Variants in OPCML observed in about 807,000 individuals in gnomAD.
The protein encoded by OPCML is opioid binding protein/cell adhesion molecule like, also known as opioid-binding protein/cell adhesion molecule.
In OPCML, 13 loss-of-function variants were observed where a neutral mutation model predicts 37.8. The ratio of observed to expected loss-of-function variants is 0.34; its 90% CI spans 0.22 to 0.55. OPCML has a LOEUF of 0.55. Among genes scored for constraint, OPCML ranks in the 20% least tolerant of loss-of-function variants. The pLI is 0.91. For synonymous variants in OPCML, 176 were observed against 168.8 expected, an observed-to-expected ratio of 1.04 and a Z score of -0.33; for missense variants, 341 against 435.6, an observed-to-expected ratio of 0.78 and a Z score of 1.93.
chr11:133,105,649 G>A (rs1361299858), intron 1 of OPCML, among the ~76,000 whole-genome samples: 1 of 152,200 alleles, frequency 6.6e-6, no homozygotes, highest in Non-Finnish European at 1.5e-5. Flanking sequence ...AAAGGATTTA[G>A]AGGTTTTTAG....
At chr11:132,615,357 C>T (rs926911734) in intron 3 of OPCML, among the ~76,000 whole-genome samples, 1 of 152,176 alleles carries the variant, frequency 6.6e-6, no homozygotes, top group Non-Finnish European at 1.5e-5. Context: ...TGCTTCTTGT[C>T]TCTAAGCCTT....
chr11:133,292,476 T>C (rs968012614), intron 1 of OPCML, among the ~76,000 whole-genome samples: 24 of 152,142 alleles, frequency 1.6e-4, no homozygotes, highest in African/African-American at 5.8e-4. Context: ...TCCCAATAAA[T>C]AAAGATATAC....
chr11:132,437,289 C>T lies in OPCML; in HGVS notation c.576G>A (p.Glu192=). 6.2e-7 allele frequency: 1 copy of T among 1,614,230 alleles called. No homozygotes were observed. The highest frequency in any genetic ancestry group is 8.5e-7 in the Non-Finnish European group (1 of 1,180,046). ...CATCGTTCAACGCGCTGCATTCGTA[C>T]TCCCCGGACTGGTCTCGCTTGATGT... is the stretch of plus-strand genomic sequence containing the variant. The part of the protein sequence containing the change: ...ISDIKRDQSG[E]YECSALNDVA... Residue 192 remains glutamate (E), a synonymous_variant, in exon 5 of 8, where the codon GAG becomes GAA. Transcript: ENST00000524381.
At chr11:133,047,568 G>A (rs1565417440) in intron 1 of OPCML, among the ~76,000 whole-genome samples, 1 of 152,042 alleles carries the variant, frequency 6.6e-6, no homozygotes, top group Admixed American at 6.6e-5. Context: ...TGCGGCCCAC[G>A]TGCTCCAGCT....
intron 1 of OPCML, among the ~76,000 whole-genome samples, chr11:133,204,368 C>T (rs1444540298): frequency 6.6e-6 from 1 of 152,168 alleles, no homozygotes; most frequent in Non-Finnish European, 1.5e-5. Flanking sequence ...ATTCTCCATT[C>T]TCTGATAGAG....
intron 1 of OPCML, among the ~76,000 whole-genome samples, chr11:133,277,548 A>T (rs1942028272): frequency 6.6e-6 from 1 of 152,166 alleles, no homozygotes; most frequent in Admixed American, 6.5e-5. Context: ...GAGCCTGGAC[A>T]ATGGCCTCTT....
At chr11:133,483,324 A>AGATAGATAGATAGATG (rs1947420678) in intron 1 of OPCML, among the ~76,000 whole-genome samples, 1 of 151,950 alleles carries the variant, frequency 6.6e-6, no homozygotes, top group Admixed American at 6.6e-5. Context: ...ATAGATAGAT[A>AGATAGATAGATAGATG]GATAGATAGA....
At chr11:132,572,115 T>G (rs73036866) in intron 3 of OPCML, among the ~76,000 whole-genome samples, 8,479 of 151,958 alleles carry the variant, frequency 0.056, 474 homozygotes, top group African/African-American at 0.13. Flanking sequence ...TCATGCTTTT[T>G]TTTTTTTTGG....
At chr11:133,219,861 G>A (rs181779064) in intron 1 of OPCML, among the ~76,000 whole-genome samples, 2 of 152,146 alleles carry the variant, frequency 1.3e-5, no homozygotes, top group Non-Finnish European at 2.9e-5. Context: ...ATCCTATAAT[G>A]CACAGAACCC....
chr11:132,776,220 G>A (rs202172165), intron 2 of OPCML, among the ~76,000 whole-genome samples: 29 of 152,288 alleles, frequency 1.9e-4, no homozygotes, highest in Non-Finnish European at 2.5e-4. Flanking sequence ...TTGAGTCACC[G>A]CGCCCAGCTG....
intron 4 of OPCML, among the ~76,000 whole-genome samples, chr11:132,455,950 C>T (rs570404414): frequency 6.6e-6 from 1 of 152,200 alleles, no homozygotes; most frequent in Non-Finnish European, 1.5e-5. Context: ...TCCTCTCTCT[C>T]TCTGCCAATA....
At chr11:133,411,256 G>A (rs1428293170) in intron 1 of OPCML, among the ~76,000 whole-genome samples, 1 of 152,176 alleles carries the variant, frequency 6.6e-6, no homozygotes, top group African/African-American at 2.4e-5. Flanking sequence ...GCTCAGGGGG[G>A]TACAGGCTTA....
At chr11:132,529,291 T>A (rs1391106282) in intron 3 of OPCML, 105 bp from the exon 4 acceptor site, 2 of 1,370,904 alleles carry the variant, frequency 1.5e-6, no homozygotes, top group Non-Finnish European at 1.9e-6. Flanking sequence ...TAATAAATAT[T>A]GTTTGCAGTA....
intron 1 of OPCML, among the ~76,000 whole-genome samples, chr11:133,018,984 A>C (rs1402016716): frequency 6.6e-6 from 1 of 152,166 alleles, no homozygotes; most frequent in Non-Finnish European, 1.5e-5. Flanking sequence ...CAGAGTCCCA[A>C]ATCCCCTGTG....
At chr11:132,617,814 A>G (rs1006903536) in intron 3 of OPCML, among the ~76,000 whole-genome samples, 10 of 152,176 alleles carry the variant, frequency 6.6e-5, no homozygotes, top group Admixed American at 2.0e-4. Flanking sequence ...TCTCATAAGG[A>G]CACCAGTTCC....
At chr11:132,767,610 C>A (rs750068250) in intron 2 of OPCML, among the ~76,000 whole-genome samples, 1 of 152,118 alleles carries the variant, frequency 6.6e-6, no homozygotes, top group African/African-American at 2.4e-5. Context: ...GGTGCTCATG[C>A]GTTTACTAGT....
chr11:133,377,902 ATTAC>A (rs2136771691), intron 1 of OPCML, among the ~76,000 whole-genome samples: 1 of 152,326 alleles, frequency 6.6e-6, no homozygotes, highest in East Asian at 1.9e-4. Context: ...CTGCAAGCAC[ATTAC>A]TTCATTGGAA....
rs1162611122 is a variant in OPCML, at chr11:132,416,302, G to A, written c.*3891C>T. Reference sequence around the variant, plus strand: ...ATTGAGGAAAGATGCCCCACCACCAGATCTTACCTCATCTTAAGCCATTCC... The same window carrying A: ...ATTGAGGAAAGATGCCCCACCACCAAATCTTACCTCATCTTAAGCCATTCC... On this transcript the variant is annotated 3_prime_UTR_variant, in exon 8 of 8. Transcript: ENST00000524381. The A allele has an allele frequency of 1.3e-5, 2 of 152,086 alleles. No individual in the cohort carries two copies. Among genetic ancestry groups the A allele is most frequent in the Admixed American group, 1.3e-4 (2 of 15,266 alleles). The allele number at this position is 152,086 out of a possible 1,614,324, so 9.4% of individuals were successfully genotyped here. A position where few individuals can be genotyped will look rare whatever the true frequency, so the allele number is the denominator to read the frequency against.
chr11:132,651,524 T>A (rs1411326491), intron 3 of OPCML, among the ~76,000 whole-genome samples: 1 of 152,214 alleles, frequency 6.6e-6, no homozygotes, highest in African/African-American at 2.4e-5. Flanking sequence ...GTTGGGTAAG[T>A]TGTTAATCTT....
Sources: gnomAD v4.1 joint callset for allele counts (sites outside exome capture counted in the v4.1 genomes callset) on GRCh38, gnomAD v4.1.1 for gene constraint, MANE v1.5 for transcripts, NCBI Gene and HGNC (gene_info 2026-07-23, HGNC 2026-07-21) for gene names.